Variants in LRMDA observed in about 807,000 individuals in gnomAD.
The protein encoded by LRMDA is leucine rich melanocyte differentiation associated.
In LRMDA, 18 loss-of-function variants were observed where a neutral mutation model predicts 29.8. The ratio of observed to expected loss-of-function variants is 0.60; its 90% CI spans 0.42 to 0.90. LRMDA has a LOEUF of 0.90. Among genes scored for constraint, LRMDA ranks in the 40% least tolerant of loss-of-function variants. LRMDA has a pLI of 0.00. For missense variants in LRMDA, 273 were observed against 273.9 expected, an observed-to-expected ratio of 1.00 and a Z score of 0.02; for synonymous variants, 125 against 109.4, an observed-to-expected ratio of 1.14 and a Z score of -0.89.
intron 2 of LRMDA, among the ~76,000 whole-genome samples, chr10:75,645,661 G>A (rs997820825): frequency 2.0e-5 from 3 of 152,126 alleles, no homozygotes; most frequent in East Asian, 1.9e-4. Flanking sequence ...AGGGGTGGAC[G>A]CAGGCGGGAA....
At chr10:76,109,559 C>T (rs1022172893) in intron 5 of LRMDA, among the ~76,000 whole-genome samples, 4 of 152,194 alleles carry the variant, frequency 2.6e-5, no homozygotes, top group Admixed American at 2.6e-4. Context: ...CTACCAGAAG[C>T]CCTCTTCAGT....
chr10:75,820,094 A>G (rs776327088), intron 2 of LRMDA, among the ~76,000 whole-genome samples: 3 of 152,214 alleles, frequency 2.0e-5, no homozygotes, highest in Non-Finnish European at 4.4e-5. Flanking sequence ...ACAACATTAG[A>G]CAGATCATCG....
Position 76,454,351 on chromosome 10 carries a change from C to G in LRMDA, c.602-102858C>G, listed in dbSNP as rs181720536. Among the ~76,000 whole-genome samples, 222 of 152,174 alleles carry G rather than the reference C, an allele frequency of 1.5e-3. No homozygotes were observed. In the Middle Eastern group the frequency reaches 0.017, roughly 12 times the overall value. ...CATATTACTTCCATAGTGAAAGTAG[C>G]AGTGTCTGCATTGTATGCTCTTTTG... On this transcript the variant is annotated intron_variant, in intron 6 of 6. Transcript: ENST00000611255.
chr10:76,145,098 AT>A (rs1850287279), intron 5 of LRMDA, among the ~76,000 whole-genome samples: 1 of 152,128 alleles, frequency 6.6e-6, no homozygotes, highest in African/African-American at 2.4e-5. Context: ...GTTTGCCAGT[AT>A]TTTATTGAGA....
chr10:76,372,920 C>A (rs1460838662), intron 6 of LRMDA, among the ~76,000 whole-genome samples: 1 of 152,136 alleles, frequency 6.6e-6, no homozygotes, highest in Non-Finnish European at 1.5e-5. Context: ...CTATGGAACA[C>A]TGCTTCAGAA....
chr10:76,199,923 T>TA (rs1851397057), intron 5 of LRMDA, among the ~76,000 whole-genome samples: 1 of 152,188 alleles, frequency 6.6e-6, no homozygotes, highest in African/African-American at 2.4e-5. Flanking sequence ...ACCGATCAAT[T>TA]AAAAATACTT....
intron 2 of LRMDA, among the ~76,000 whole-genome samples, chr10:75,681,582 G>T (rs144794468): frequency 0.012 from 1,778 of 152,236 alleles, 54 homozygotes; most frequent in Non-Finnish European, 9.4e-3. Context: ...GACAGAGGTC[G>T]CATGGAGCAT....
intron 2 of LRMDA, among the ~76,000 whole-genome samples, chr10:75,461,996 G>A (rs1442731496): frequency 2.0e-5 from 3 of 152,222 alleles, no homozygotes; most frequent in African/African-American, 4.8e-5. Context: ...AATGGCAATC[G>A]TTTTGCATTT....
intron 2 of LRMDA, among the ~76,000 whole-genome samples, chr10:75,498,043 G>A (rs1205326908): frequency 6.6e-6 from 1 of 152,134 alleles, no homozygotes; most frequent in African/African-American, 2.4e-5. Context: ...TGAAGTTCTG[G>A]TTGCTCCGTG....
chr10:76,374,805 C>A (rs1285814814), intron 6 of LRMDA, among the ~76,000 whole-genome samples: 1 of 152,130 alleles, frequency 6.6e-6, no homozygotes, highest in African/African-American at 2.4e-5. Context: ...AACAACAACT[C>A]TAGTATATCA....
chr10:75,548,608 ACT>A (rs1243594159), intron 2 of LRMDA, among the ~76,000 whole-genome samples: 4 of 151,992 alleles, frequency 2.6e-5, no homozygotes, highest in South Asian at 4.2e-4. Context: ...TCCTTTTTGA[ACT>A]CTCTGCATTC....
intron 6 of LRMDA, among the ~76,000 whole-genome samples, chr10:76,532,853 A>G (rs1843248969): frequency 6.6e-6 from 1 of 152,186 alleles, no homozygotes; most frequent in African/African-American, 2.4e-5. Context: ...TCTGAATGGT[A>G]AATTTAAAAG....
chr10:75,635,029 A>T (rs1029688776), intron 2 of LRMDA, among the ~76,000 whole-genome samples: 3 of 152,192 alleles, frequency 2.0e-5, no homozygotes, highest in Non-Finnish European at 4.4e-5. Context: ...TTAAGGGTCC[A>T]TGAAATTCCT....
At chr10:76,381,609 A>G (rs1452727977) in intron 6 of LRMDA, among the ~76,000 whole-genome samples, 2 of 152,106 alleles carry the variant, frequency 1.3e-5, no homozygotes, top group Admixed American at 1.3e-4. Flanking sequence ...ATACCCTCAT[A>G]TCCGGTAAGC....
intron 2 of LRMDA, among the ~76,000 whole-genome samples, chr10:75,439,586 C>T (rs566709324): frequency 1.7e-4 from 26 of 152,162 alleles, no homozygotes; most frequent in Non-Finnish European, 3.7e-4. Flanking sequence ...TTGGATGCTG[C>T]TCGGGAGCAC....
intron 2 of LRMDA, among the ~76,000 whole-genome samples, chr10:75,820,902 A>G (rs958283877): frequency 5.3e-5 from 8 of 152,242 alleles, no homozygotes; most frequent in Non-Finnish European, 1.0e-4. Context: ...TGTACAAACT[A>G]GAAAATCTAA....
rs187284198 is a variant in LRMDA at position 76,238,250 on chromosome 10, G to A, written c.517-86151G>A. ...TGGCACATGGTGCTTGTGGTGAGCC[G>A]GGGTTGAGTTAGACTTTAGCTATGT... On this transcript the variant is annotated intron_variant, in intron 5 of 6. Coordinates refer to ENST00000611255, the MANE Select transcript of LRMDA (RefSeq NM_001305581.2). Among the ~76,000 whole-genome samples the A allele has an allele frequency of 1.2e-3, 178 of 152,260 alleles. 1 individual carries two copies. Among genetic ancestry groups the A allele is most frequent in the Non-Finnish European group, 1.3e-3 (86 of 68,016 alleles).
intron 6 of LRMDA, among the ~76,000 whole-genome samples, chr10:76,333,321 A>T (rs1280695029): frequency 6.6e-6 from 1 of 152,192 alleles, no homozygotes; most frequent in African/African-American, 2.4e-5. Flanking sequence ...TCCAGGGGTA[A>T]TTGGAAAGGA....
intron 2 of LRMDA, among the ~76,000 whole-genome samples, chr10:75,618,411 A>G (rs1841136133): frequency 7.1e-6 from 1 of 140,862 alleles, no homozygotes; most frequent in South Asian, 2.2e-4. Flanking sequence ...TATATATCAG[A>G]CTATATATAT....
Sources: gnomAD v4.1 joint callset for allele counts (sites outside exome capture counted in the v4.1 genomes callset) on GRCh38, gnomAD v4.1.1 for gene constraint, MANE v1.5 for transcripts, NCBI Gene and HGNC (gene_info 2026-07-23, HGNC 2026-07-21) for gene names.